The following NELL2 variants were observed in gnomAD, a reference collection of about 807,000 sequenced individuals.
NELL2 encodes the protein protein kinase C-binding protein NELL2.
Under a neutral mutation model 109.6 loss-of-function variants are expected in NELL2, and 41 were observed. The ratio of observed to expected loss-of-function variants is 0.37; its 90% CI spans 0.29 to 0.49. The LOEUF (loss-of-function observed/expected upper bound fraction) is 0.49, where lower values mean the gene tolerates loss of function less well. Ranked by LOEUF, NELL2 falls within the 20% of genes least tolerant of loss-of-function variation. The pLI is 0.98. For synonymous variants in NELL2, 355 were observed against 344.7 expected (o/e 1.03, Z -0.33); for missense variants, 900 against 1,008.3 (o/e 0.89, Z 1.45).
intron 19 of NELL2, among the ~76,000 whole-genome samples, chr12:44,514,458 G>A (rs574872823): frequency 6.6e-6 from 1 of 151,866 alleles, no homozygotes; most frequent in East Asian, 1.9e-4. Context: ...TTTTGACAGA[G>A]AGAGATAGAG....
chr12:44,887,636 T>TTTTGTGTG (rs1945488607), intron 1 of NELL2, among the ~76,000 whole-genome samples: 1 of 149,128 alleles, frequency 6.7e-6, no homozygotes. Flanking sequence ...GGGGGGATTA[T>TTTTGTGTG]TGTGTGTGTG....
chr12:44,556,965 G>T lies in NELL2; in HGVS notation c.1664-24244C>A, dbSNP rs148869468. ...TTGGGGCCAGATGGTGAAGGGATTTGTTTGTTGGACCTGAAATTTTAGATA... is the reference window on the plus strand; with the variant it reads ...TTGGGGCCAGATGGTGAAGGGATTTTTTTGTTGGACCTGAAATTTTAGATA... On this transcript the variant is annotated intron_variant, in intron 15 of 19. Transcript: ENST00000429094. Among the ~76,000 whole-genome samples the T allele has an allele frequency of 3.2e-3, 489 of 152,266 alleles. 4 individuals carry two copies. The highest frequency in any genetic ancestry group is 0.011 in the African/African-American group (460 of 41,550).
At chr12:44,687,247 C>CCGTG (rs1555199061) in intron 12 of NELL2, among the ~76,000 whole-genome samples, 1 of 152,114 alleles carries the variant, frequency 6.6e-6, no homozygotes, top group Non-Finnish European at 1.5e-5. Flanking sequence ...TGAGGCAATG[C>CCGTG]CGCGCCCTGC....
chr12:44,878,090 T>G (rs571929967), upstream of NELL2, among the ~76,000 whole-genome samples: 1 of 152,154 alleles, frequency 6.6e-6, no homozygotes, highest in African/African-American at 2.4e-5. Flanking sequence ...CATATATATT[T>G]CCACATAAAA....
chr12:44,908,890 A>G (rs1486676638), intron 1 of NELL2, among the ~76,000 whole-genome samples: 1 of 151,988 alleles, frequency 6.6e-6, no homozygotes, highest in African/African-American at 2.4e-5. Context: ...ATTTTTCCTG[A>G]CATCCTTTCT....
At chr12:44,789,903 T>C (rs1251595017) in intron 3 of NELL2, among the ~76,000 whole-genome samples, 1 of 152,054 alleles carries the variant, frequency 6.6e-6, no homozygotes, top group Non-Finnish European at 1.5e-5. Flanking sequence ...GGTCTTCGAA[T>C]TAACCCAATC....
At chr12:44,747,342 TA>T (rs1297741658) in intron 9 of NELL2, among the ~76,000 whole-genome samples, 1 of 152,068 alleles carries the variant, frequency 6.6e-6, no homozygotes, top group Non-Finnish European at 1.5e-5. Context: ...GAGATATACC[TA>T]ATGTTAAATG....
intron 1 of NELL2, among the ~76,000 whole-genome samples, chr12:44,900,683 T>C (rs977185616): frequency 6.6e-6 from 1 of 152,122 alleles, no homozygotes; most frequent in South Asian, 2.1e-4. Flanking sequence ...ATTGACACCC[T>C]AACTTCACAA....
intron 18 of NELL2, 90 bp from the exon 19 acceptor site, chr12:44,520,319 T>A (rs1941472972): frequency 6.8e-6 from 6 of 886,872 alleles, no homozygotes; most frequent in Non-Finnish European, 1.0e-5. Flanking sequence ...CAGTGTTTAC[T>A]GAATACTCAA....
At chr12:44,793,388 G>A (rs1271749126) in intron 3 of NELL2, among the ~76,000 whole-genome samples, 2 of 151,960 alleles carry the variant, frequency 1.3e-5, no homozygotes, top group Non-Finnish European at 2.9e-5. Flanking sequence ...AAGTGTATTT[G>A]CATTTTTAAA....
intron 12 of NELL2, among the ~76,000 whole-genome samples, chr12:44,686,038 T>C (rs372737353): frequency 6.6e-6 from 1 of 152,186 alleles, no homozygotes; most frequent in African/African-American, 2.4e-5. Flanking sequence ...TTCTCTCCAT[T>C]ACTTTCAGGT....
chr12:44,606,724 A>G (rs1945417497), intron 15 of NELL2, among the ~76,000 whole-genome samples: 1 of 152,088 alleles, frequency 6.6e-6, no homozygotes, highest in Admixed American at 6.5e-5. Flanking sequence ...ATAAATAATT[A>G]TTAATGAATA....
chr12:44,861,736 T>A (rs774094128), intron 2 of NELL2, among the ~76,000 whole-genome samples: 4 of 152,194 alleles, frequency 2.6e-5, no homozygotes, highest in Non-Finnish European at 5.9e-5. Flanking sequence ...ACCCAATCAG[T>A]GAGTCCAGGC....
intron 13 of NELL2, among the ~76,000 whole-genome samples, chr12:44,640,291 C>T (rs1012714191): frequency 2.0e-5 from 3 of 152,128 alleles, no homozygotes; most frequent in Admixed American, 1.3e-4. Context: ...TCACAACAAC[C>T]CCACAAGGTA....
chr12:44,523,266 A>G (rs753992072), intron 17 of NELL2, 25 bp downstream of exon 17: 5 of 1,612,850 alleles, frequency 3.1e-6, no homozygotes, highest in Non-Finnish European at 4.2e-6. Context: ...AATAAAATTA[A>G]TTAAAGTTTT....
At chr12:44,528,925 T>C (rs1223724323) in intron 16 of NELL2, among the ~76,000 whole-genome samples, 1 of 152,214 alleles carries the variant, frequency 6.6e-6, no homozygotes, top group East Asian at 1.9e-4. Flanking sequence ...ATCTGTTTCA[T>C]ATATTTTAGA....
chr12:44,764,351 A>G (rs1448449318), intron 9 of NELL2, among the ~76,000 whole-genome samples: 7 of 152,346 alleles, frequency 4.6e-5, no homozygotes, highest in African/African-American at 1.7e-4. Flanking sequence ...GAAGTCTTAC[A>G]AAGTAATGAA....
At chr12:44,748,810 T>C (rs1232790429) in intron 9 of NELL2, among the ~76,000 whole-genome samples, 1 of 152,144 alleles carries the variant, frequency 6.6e-6, no homozygotes, top group Non-Finnish European at 1.5e-5. Context: ...CCAAACTAAG[T>C]ATTCAAACAA....
intron 1 of NELL2, among the ~76,000 whole-genome samples, chr12:44,893,672 T>TGA (rs1341545391): frequency 6.6e-6 from 1 of 152,198 alleles, no homozygotes; most frequent in Non-Finnish European, 1.5e-5. Flanking sequence ...ATGTTAGCTG[T>TGA]GTTCCTGTGC....
Sources: gnomAD v4.1 joint callset for allele counts (sites outside exome capture counted in the v4.1 genomes callset) on GRCh38, gnomAD v4.1.1 for gene constraint, MANE v1.5 for transcripts, NCBI Gene and HGNC (gene_info 2026-07-23, HGNC 2026-07-21) for gene names.